The following MICAL2 variants were observed in gnomAD, a reference collection of about 807,000 sequenced individuals.
The protein encoded by MICAL2 is [F-actin]-monooxygenase MICAL2.
In MICAL2, 77 loss-of-function variants were observed where a neutral mutation model predicts 127.3. The observed-to-expected ratio is 0.60, with a 90% CI of 0.50 to 0.73. The LOEUF (loss-of-function observed/expected upper bound fraction) is 0.73. Among genes scored for constraint, MICAL2 ranks in the 30% least tolerant of loss-of-function variants. MICAL2 has a pLI of 0.00. For missense variants in MICAL2, 1,351 were observed against 1,434.4 expected, an observed-to-expected ratio of 0.94 and a Z score of 0.94; for synonymous variants, 570 against 551.1, an observed-to-expected ratio of 1.03 and a Z score of -0.48.
intron 3 of MICAL2, among the ~76,000 whole-genome samples, chr11:12,170,776 T>C: frequency 6.6e-6 from 1 of 152,190 alleles, no homozygotes; most frequent in East Asian, 1.9e-4. Context: ...TCCTAGATTC[T>C]CTGGTCCTAT....
intron 1 of MICAL2, among the ~76,000 whole-genome samples, chr11:12,112,235 G>A (rs974738631): frequency 6.6e-6 from 1 of 152,190 alleles, no homozygotes; most frequent in African/African-American, 2.4e-5. Flanking sequence ...GCTGACTAGA[G>A]CCTTCCAGCC....
Position 12,222,703 on chromosome 11 carries a change from G to A in MICAL2, c.1409G>A (p.Arg470Gln), listed in dbSNP as rs752097804. The A allele has an allele frequency of 7.4e-6, 12 of 1,614,106 alleles. No homozygotes were observed. The highest frequency in any genetic ancestry group is 1.3e-5 in the African/African-American group (1 of 74,936). The change falls in exon 11 of 28, where the codon CGG (arginine) becomes CAG (glutamine). Residue 470 changes from arginine to glutamine, a missense_variant. Arg to Gln is a conservative substitution (Grantham distance 43). Around this residue, in one of 2 missense-constraint regions of MICAL2, gnomAD observed 599 missense variants for 714.9 expected, o/e 0.84. Coordinates refer to ENST00000683283, the MANE Select transcript of MICAL2 (RefSeq NM_001282663.2). The part of the protein sequence containing the change: ...FEQYTLDPGT[R>Q]YPNLNSHCVR... ...CAGTACACGTTGGACCCAGGGACAC[G>A]GTACCCAAACCTCAACTCACACTGT...
chr11:12,273,177 G>A (rs1863690996), upstream of MICAL2, among the ~76,000 whole-genome samples: 1 of 152,186 alleles, frequency 6.6e-6, no homozygotes, highest in South Asian at 2.1e-4. Context: ...ACCTTGTGCT[G>A]GTGTCGTAAC....
intron 2 of MICAL2, among the ~76,000 whole-genome samples, chr11:12,150,507 G>C (rs896405653): frequency 2.6e-5 from 4 of 152,128 alleles, no homozygotes; most frequent in South Asian, 4.1e-4. Context: ...GATATAGCTG[G>C]GTTGCGAGCT....
chr11:12,278,704 C>G (rs1359164189), intron 1 of MICAL2, among the ~76,000 whole-genome samples: 1 of 152,114 alleles, frequency 6.6e-6, no homozygotes, highest in East Asian at 1.9e-4. Context: ...AGGATGGGAG[C>G]AGTGGAGATG....
chr11:12,300,112 T>A (rs951284546), intron 29 of MICAL2, among the ~76,000 whole-genome samples: 2 of 152,016 alleles, frequency 1.3e-5, no homozygotes, highest in Admixed American at 6.6e-5. Flanking sequence ...CTGGCCAACA[T>A]GGCAAAACCA....
chr11:12,116,172 G>A (rs1307277642), intron 1 of MICAL2, among the ~76,000 whole-genome samples: 3 of 151,412 alleles, frequency 2.0e-5, no homozygotes, highest in African/African-American at 7.3e-5. Context: ...TAGAGACGGG[G>A]TTTCACTATG....
chr11:12,292,292 C>T (rs746061557), downstream of MICAL2: 14 of 1,614,006 alleles, frequency 8.7e-6, no homozygotes, highest in African/African-American at 1.7e-4. Flanking sequence ...TTCCTCCCCG[C>T]CTCAGGTGAG....
At chr11:12,224,858 G>A (rs1243914596) in intron 13 of MICAL2, 38 bp downstream of exon 13, 4 of 1,588,250 alleles carry the variant, frequency 2.5e-6, no homozygotes, top group East Asian at 2.3e-5. Context: ...GGAGACGAGG[G>A]ATGCCAAGGC....
downstream of MICAL2, among the ~76,000 whole-genome samples, chr11:12,360,196 G>A (rs11022324): frequency 0.078 from 1,706 of 21,882 alleles, 31 homozygotes; most frequent in Admixed American, 0.12. Context: ...CTACCTACCT[G>A]CCTACCTATG....
chr11:12,171,089 C>T (rs996437970), intron 3 of MICAL2, among the ~76,000 whole-genome samples: 6 of 152,342 alleles, frequency 3.9e-5, no homozygotes, highest in Admixed American at 3.9e-4. Context: ...CCGAGCATTC[C>T]TTCCCTGCAG....
rs375176894 is a variant in MICAL2 at position 12,261,079 on chromosome 11, T to C, written c.3334+1182T>C. The C allele has an allele frequency of 1.9e-5, 19 of 985,552 alleles. No individual in the cohort carries two copies. The East Asian group carries it at 7.9e-4, about 41-fold the overall frequency. The allele number at this position is 985,552 out of a possible 1,614,324, so 61.1% of individuals were successfully genotyped here. Reference sequence around the variant, plus strand: ...GAGCCAAGGCTGTGCAGGGTCCATATTGGTCAGGCCAAGTGGAGTGGAAGA... The same window carrying C: ...GAGCCAAGGCTGTGCAGGGTCCATACTGGTCAGGCCAAGTGGAGTGGAAGA... On this transcript the variant is annotated intron_variant, in intron 26 of 27. Transcript: ENST00000683283.
Position 12,226,651 on chromosome 11 carries a change from G to T in MICAL2, c.1888+281G>T, listed in dbSNP as rs1261597073. Among the ~76,000 whole-genome samples the T allele has an allele frequency of 2.2e-3, 281 of 126,362 alleles. 1 individual carries two copies. The highest frequency in any genetic ancestry group is 3.1e-3 in the Non-Finnish European group (188 of 60,906). The allele number at this position is 126,362 out of a possible 152,430, so 82.9% of individuals were successfully genotyped here. On this transcript the variant is annotated intron_variant, in intron 14 of 27. Transcript: ENST00000683283. ...TTTGTTTTTTTGTTGTTTGTTTTTG[G>T]TTTTTTTTTTTTTTTTTTTGAGAGG...
intron 29 of MICAL2, among the ~76,000 whole-genome samples, chr11:12,305,983 T>A (rs1054050845): frequency 1.3e-5 from 2 of 152,344 alleles, no homozygotes; most frequent in East Asian, 1.9e-4. Context: ...GTCAGATTTT[T>A]AAAAATTATT....
chr11:12,138,034 G>T (rs548474386), intron 1 of MICAL2, among the ~76,000 whole-genome samples: 1 of 152,192 alleles, frequency 6.6e-6, no homozygotes, highest in African/African-American at 2.4e-5. Context: ...CTTTCATTGT[G>T]TCTCACACTT....
intron 29 of MICAL2, among the ~76,000 whole-genome samples, chr11:12,302,047 T>G (rs1372545187): frequency 6.6e-6 from 1 of 152,206 alleles, no homozygotes; most frequent in African/African-American, 2.4e-5. Context: ...TGAGTTTTCT[T>G]AGGCAGGAAC....
chr11:12,262,117 C>T (rs545272655), intron 26 of MICAL2: 29 of 1,144,272 alleles, frequency 2.5e-5, no homozygotes, highest in Non-Finnish European at 3.1e-5. Context: ...GATGTTGAAC[C>T]TTTCTGGTGG....
chr11:12,146,428 A>C (rs1249946081), intron 2 of MICAL2, among the ~76,000 whole-genome samples: 4 of 152,266 alleles, frequency 2.6e-5, no homozygotes, highest in Non-Finnish European at 5.9e-5. Flanking sequence ...TCTCAAAAGA[A>C]GACATTTATG....
chr11:12,157,252 G>A (rs551942679), intron 2 of MICAL2, among the ~76,000 whole-genome samples: 88 of 152,292 alleles, frequency 5.8e-4, no homozygotes, highest in African/African-American at 2.0e-3. Context: ...TAAATTTGAG[G>A]GCACCTGCAG....
Sources: allele counts gnomAD v4.1 joint callset (sites outside exome capture counted in the v4.1 genomes callset), GRCh38; gene constraint gnomAD v4.1.1; regional missense constraint gnomAD v4.1.1; transcripts MANE v1.5; gene names NCBI Gene and HGNC (gene_info 2026-07-23, HGNC 2026-07-21).